The following PIK3C2G variants were observed in gnomAD, a reference collection of about 807,000 sequenced individuals.
The protein encoded by PIK3C2G is phosphatidylinositol 3-kinase C2 domain-containing subunit gamma.
In PIK3C2G, 168 loss-of-function variants were observed where a neutral mutation model predicts 181.1. The ratio of observed to expected loss-of-function variants is 0.93; its 90% CI spans 0.82 to 1.05. The LOEUF is 1.05. Ranked by LOEUF, PIK3C2G falls within the 50% of genes least tolerant of loss-of-function variation. The probability of loss-of-function intolerance (pLI) is 0.00; values close to 1 mark genes in which losing one functional copy is unlikely to be tolerated. For missense variants in PIK3C2G, 1,869 were observed against 1,732.8 expected, an observed-to-expected ratio of 1.08 and a Z score of -1.40; for synonymous variants, 573 against 592.2, an observed-to-expected ratio of 0.97 and a Z score of 0.47.
At chr12:18,350,501 T>C (rs946640601) in intron 11 of PIK3C2G, among the ~76,000 whole-genome samples, 2 of 152,172 alleles carry the variant, frequency 1.3e-5, no homozygotes, top group African/African-American at 4.8e-5. Flanking sequence ...TTCTTTCTCA[T>C]CAAGACGATG....
chr12:18,511,746 A>G (rs2136144014), intron 24 of PIK3C2G, among the ~76,000 whole-genome samples: 1 of 151,968 alleles, frequency 6.6e-6, no homozygotes, highest in Non-Finnish European at 1.5e-5. Flanking sequence ...GTTTGCAAAC[A>G]TTTTCTCAGA....
At chr12:18,541,077 C>T (rs140131383) in intron 25 of PIK3C2G, among the ~76,000 whole-genome samples, 119 of 151,978 alleles carry the variant, frequency 7.8e-4, no homozygotes, top group Non-Finnish European at 1.3e-3. Context: ...TGTCTCAACC[C>T]GACTCTTTTA....
chr12:18,487,380 T>C (rs1202253249), intron 18 of PIK3C2G, among the ~76,000 whole-genome samples: 2 of 152,084 alleles, frequency 1.3e-5, no homozygotes, highest in South Asian at 2.1e-4. Context: ...TGGACAGAGA[T>C]GCAAAATTAG....
At chr12:18,608,731 GT>G (rs1274770930) in intron 30 of PIK3C2G, among the ~76,000 whole-genome samples, 1 of 151,964 alleles carries the variant, frequency 6.6e-6, no homozygotes, top group Non-Finnish European at 1.5e-5. Flanking sequence ...TAGAATAAAA[GT>G]GGGAAATAAA....
At chr12:18,417,897 T>C (rs1945269313) in intron 16 of PIK3C2G, among the ~76,000 whole-genome samples, 1 of 152,160 alleles carries the variant, frequency 6.6e-6, no homozygotes, top group Non-Finnish European at 1.5e-5. Flanking sequence ...TCCTATGCTT[T>C]TGACGGAGAG....
rs752318541 is a variant in PIK3C2G, at chr12:18,562,826, T to C, written c.3714T>C (p.Cys1238=). The C allele has an allele frequency of 5.0e-6, 8 of 1,607,616 alleles. No homozygotes were observed. In the East Asian group the frequency reaches 1.1e-4, roughly 22 times the overall value. Reference sequence around the variant, plus strand: ...CACAGACTTTTCCTCAGGAATCCTGTTTGCTGAGTACAACTAGGTCGATTG... The same window carrying C: ...CACAGACTTTTCCTCAGGAATCCTGCTTGCTGAGTACAACTAGGTCGATTG... ...STSQTFPQES[C]LLSTTRSIER... Residue 1238 remains cysteine, a synonymous_variant, in exon 27 of 33, where the codon TGT becomes TGC. Coordinates refer to ENST00000538779, the MANE Select transcript of PIK3C2G (RefSeq NM_001288772.2).
In PIK3C2G at chr12:18,598,076, A is replaced by C. The variant is rs1343291634; in HGVS notation, c.4087+3507A>C. ...ATCATGAAAATGGCCATACTGCCCA[A>C]GGTAATTTAGAGATTCAATGCCATC... On this transcript the variant is annotated intron_variant, in intron 30 of 32. Coordinates refer to ENST00000538779, the MANE Select transcript of PIK3C2G (RefSeq NM_001288772.2). Among the ~76,000 whole-genome samples, 87 of 152,330 alleles carry C rather than the reference A, an allele frequency of 5.7e-4. No individual in the cohort carries two copies. The East Asian group carries it at 0.016, about 27-fold the overall frequency.
intron 30 of PIK3C2G, 100 bp downstream of exon 30, chr12:18,594,669 T>C: frequency 1.7e-6 from 1 of 575,006 alleles, no homozygotes; most frequent in South Asian, 3.1e-5. Context: ...TTAAAATCTC[T>C]TTTTAAGAGT....
the PIK3C2G span, among the ~76,000 whole-genome samples, chr12:18,673,589 C>T: frequency 6.6e-6 from 1 of 152,148 alleles, no homozygotes; most frequent in African/African-American, 2.4e-5. Flanking sequence ...TGTTATGTAA[C>T]AAATTACTCC....
intron 11 of PIK3C2G, among the ~76,000 whole-genome samples, chr12:18,355,175 C>T (rs544085687): frequency 8.3e-4 from 126 of 152,280 alleles, no homozygotes; most frequent in African/African-American, 2.9e-3. Flanking sequence ...ATCTGGTTTT[C>T]CTTCCTAAGG....
intron 31 of PIK3C2G, among the ~76,000 whole-genome samples, chr12:18,631,524 G>A (rs1199965723): frequency 1.3e-5 from 2 of 152,176 alleles, no homozygotes; most frequent in African/African-American, 4.8e-5. Flanking sequence ...AATGTTCAGA[G>A]AAGGAAAGTG....
chr12:18,615,330 GGTGT>G (rs3055216), intron 31 of PIK3C2G, among the ~76,000 whole-genome samples: 29,351 of 137,956 alleles, frequency 0.21, 3,040 homozygotes, highest in East Asian at 0.26. Context: ...AGTATTCCAC[GGTGT>G]GTGTGTGTGT....
At chr12:18,267,987 A>G (rs1948579281) in intron 1 of PIK3C2G, among the ~76,000 whole-genome samples, 2 of 152,214 alleles carry the variant, frequency 1.3e-5, no homozygotes, top group Admixed American at 1.3e-4. Flanking sequence ...TTGCTACTGA[A>G]AGGTGTTGCT....
Position 18,559,857 on chromosome 12 carries a change from GAGAGAGAGAC to G in PIK3C2G, c.3591-2843_3591-2834del, listed in dbSNP as rs1255941395. Among the ~76,000 whole-genome samples the G allele has an allele frequency of 4.4e-4, 57 of 130,102 alleles. 1 individual carries two copies. Among genetic ancestry groups the G allele is most frequent in the African/African-American group, 1.5e-3 (52 of 34,550 alleles). The allele number at this position is 130,102 out of a possible 152,430, so 85.4% of individuals were successfully genotyped here. ...AGAGAGAGAGAGAGAGAGAGAGAGA[GAGAGAGAGAC>G]AGTTTTGCTCTTGTTGCCTAGGCTG... On this transcript the variant is annotated intron_variant, in intron 26 of 32. Coordinates refer to ENST00000538779, the MANE Select transcript of PIK3C2G (RefSeq NM_001288772.2).
intron 5 of PIK3C2G, among the ~76,000 whole-genome samples, chr12:18,306,500 T>A (rs1298447512): frequency 6.6e-6 from 1 of 152,070 alleles, no homozygotes; most frequent in Non-Finnish European, 1.5e-5. Context: ...GACCTTTATC[T>A]ATGCTGAGTC....
chr12:18,273,897 C>T (rs1483073259), intron 1 of PIK3C2G, among the ~76,000 whole-genome samples: 2 of 152,072 alleles, frequency 1.3e-5, no homozygotes, highest in Middle Eastern at 6.8e-3. Flanking sequence ...ATTTTTGTAA[C>T]CTACTCATCT....
intron 6 of PIK3C2G, among the ~76,000 whole-genome samples, chr12:18,315,915 G>C (rs1375585296): frequency 6.6e-6 from 1 of 151,802 alleles, no homozygotes; most frequent in African/African-American, 2.4e-5. Context: ...GTGTGTGTGT[G>C]TGTGTGTAAT....
the PIK3C2G span, among the ~76,000 whole-genome samples, chr12:18,659,942 T>C: frequency 1.3e-5 from 2 of 152,070 alleles, no homozygotes; most frequent in Non-Finnish European, 2.9e-5. Flanking sequence ...CTAACTCAAA[T>C]TTACATAGAG....
chr12:18,347,548 G>T (rs961263102), intron 11 of PIK3C2G, among the ~76,000 whole-genome samples: 15 of 152,140 alleles, frequency 9.9e-5, no homozygotes, highest in African/African-American at 3.6e-4. Context: ...AGTGGCTCAT[G>T]CCTGTAATCC....
Sources: gnomAD v4.1 joint callset for allele counts (sites outside exome capture counted in the v4.1 genomes callset) on GRCh38, gnomAD v4.1.1 for gene constraint, MANE v1.5 for transcripts, NCBI Gene and HGNC (gene_info 2026-07-23, HGNC 2026-07-21) for gene names.